ZNF652: variants seen among roughly 807,000 people sequenced by gnomAD.
ZNF652 encodes the protein zinc finger protein 652.
In ZNF652, 16 loss-of-function variants were observed where a neutral mutation model predicts 45.2. The ratio of observed to expected loss-of-function variants is 0.35; its 90% confidence interval spans 0.24 to 0.54. The LOEUF is 0.54. Ranked by LOEUF, ZNF652 falls within the 20% of genes least tolerant of loss-of-function variation. The probability of loss-of-function intolerance (pLI) is 0.91; values close to 1 mark genes in which losing one functional copy is unlikely to be tolerated. For missense variants in ZNF652, 614 were observed against 765.6 expected (o/e 0.80, Z 2.34); for synonymous variants, 250 against 260.6 (o/e 0.96, Z 0.39).
chr17:49,301,303 T>C (rs1335476771), intron 5 of ZNF652, among the ~76,000 whole-genome samples: 2 of 151,374 alleles, frequency 1.3e-5, no homozygotes, highest in Non-Finnish European at 2.9e-5. Flanking sequence ...GTCTTTACGC[T>C]TTTTTTTTGA....
intron 1 of ZNF652, among the ~76,000 whole-genome samples, chr17:49,330,424 C>A (rs941015735): frequency 1.3e-5 from 2 of 151,134 alleles, no homozygotes; most frequent in Non-Finnish European, 2.9e-5. Flanking sequence ...TCCTGAGTAG[C>A]TAGGACTACA....
chr17:49,358,253 C>T (rs548397547), intron 1 of ZNF652, among the ~76,000 whole-genome samples: 1 of 152,270 alleles, frequency 6.6e-6, no homozygotes, highest in East Asian at 1.9e-4. Context: ...CATCTATCTC[C>T]ATGAGCCTTC....
At chr17:49,311,677 C>A (rs1384966962) in intron 4 of ZNF652, among the ~76,000 whole-genome samples, 1 of 152,176 alleles carries the variant, frequency 6.6e-6, no homozygotes, top group Non-Finnish European at 1.5e-5. Flanking sequence ...CTCAGAATCA[C>A]TGAGAAAAGA....
chr17:49,325,843 G>C (rs2069950662), intron 1 of ZNF652, among the ~76,000 whole-genome samples: 1 of 151,810 alleles, frequency 6.6e-6, no homozygotes. Flanking sequence ...TACTTTTGGG[G>C]GTTTTTCCAC....
At chr17:49,337,252 C>T (rs1166507721) in intron 1 of ZNF652, among the ~76,000 whole-genome samples, 5 of 150,470 alleles carry the variant, frequency 3.3e-5, no homozygotes, top group African/African-American at 1.2e-4. Context: ...GGGAGGATCA[C>T]TCGAGCCCGA....
At chr17:49,304,723 G>A (rs1410923510) in intron 5 of ZNF652, among the ~76,000 whole-genome samples, 1 of 152,124 alleles carries the variant, frequency 6.6e-6, no homozygotes, top group Non-Finnish European at 1.5e-5. Flanking sequence ...AGAAAGAACA[G>A]TATAAATGAA....
At chr17:49,312,620 C>G (rs1355022762) in intron 3 of ZNF652, 78 bp downstream of exon 3, 1 of 1,480,442 alleles carries the variant, frequency 6.8e-7, no homozygotes, top group African/African-American at 1.4e-5. Context: ...TTCCTCATAT[C>G]CTGCCCAATC....
intron 1 of ZNF652, chr17:49,322,480 A>T (rs776154632): frequency 6.6e-6 from 1 of 152,240 alleles, no homozygotes; most frequent in Admixed American, 6.5e-5. Flanking sequence ...GTCACACCTC[A>T]GAGATATTGC....
At chr17:49,346,069 C>T (rs952132843) in intron 1 of ZNF652, among the ~76,000 whole-genome samples, 1 of 152,174 alleles carries the variant, frequency 6.6e-6, no homozygotes, top group African/African-American at 2.4e-5. Flanking sequence ...AAGTGTAGTA[C>T]AACAGATAGG....
intron 1 of ZNF652, among the ~76,000 whole-genome samples, chr17:49,338,343 A>T (rs2070108105): frequency 6.6e-6 from 1 of 152,010 alleles, no homozygotes. Flanking sequence ...GCTAGATGTC[A>T]CCTTGTCTGG....
intron 2 of ZNF652, among the ~76,000 whole-genome samples, chr17:49,316,162 G>A (rs537691131): frequency 7.9e-5 from 12 of 152,058 alleles, no homozygotes; most frequent in African/African-American, 1.2e-4. Flanking sequence ...GTCCTTTCAC[G>A]ACAACAGCCT....
chr17:49,312,825 C>G lies in ZNF652; in HGVS notation c.921G>C (p.Ser307=). The part of the protein sequence containing the change: ...KNIQCVSCNK[S]FKKLWSLHEH... ...CATGAAGGGACCAGAGTTTCTTGAA[C>G]GATTTGTTACAGGAAACACACTGAG... The change falls in exon 3 of 6, where the codon TCG becomes TCC. Residue 307 remains serine (S), a synonymous_variant. Transcript: ENST00000430262. 6.2e-7 allele frequency: 1 copy of G among 1,613,628 alleles called. No homozygotes were observed. The highest frequency in any genetic ancestry group is 8.5e-7 in the Non-Finnish European group (1 of 1,179,760).
intron 1 of ZNF652, among the ~76,000 whole-genome samples, chr17:49,347,740 GTTTTTTTTTT>G (rs1181401090): frequency 1.2e-5 from 1 of 81,216 alleles, no homozygotes; most frequent in African/African-American, 4.7e-5. Flanking sequence ...CCTTGGTTTT[GTTTTTTTTTT>G]TTTTTTTTTT....
At chr17:49,348,583 G>C (rs535357327) in intron 1 of ZNF652, among the ~76,000 whole-genome samples, 1 of 151,632 alleles carries the variant, frequency 6.6e-6, no homozygotes, top group East Asian at 1.9e-4. Context: ...AAGGGGGAGG[G>C]GAGAGAAAGA....
At chr17:49,355,717 G>A (rs989788704) in intron 1 of ZNF652, among the ~76,000 whole-genome samples, 1 of 151,902 alleles carries the variant, frequency 6.6e-6, no homozygotes, top group Non-Finnish European at 1.5e-5. Flanking sequence ...GGCCAATATG[G>A]TGAAACCCCG....
In ZNF652 at chr17:49,338,810, C is replaced by T. The variant is rs142004340; in HGVS notation, c.-258-20827G>A. Among the ~76,000 whole-genome samples the T allele has an allele frequency of 4.8e-4, 73 of 151,980 alleles. 1 individual carries two copies. The highest frequency in any genetic ancestry group is 1.6e-3 in the African/African-American group (67 of 41,448). On this transcript the variant is annotated intron_variant, in intron 1 of 5. Transcript: ENST00000430262. ...GGCTGAGCACCAAGCCTTAGGGCAC[C>T]CCAAGGGCAGAGAAGAAAAGGATAA...
intron 1 of ZNF652, among the ~76,000 whole-genome samples, chr17:49,326,047 T>C (rs2069952467): frequency 6.6e-6 from 1 of 152,008 alleles, no homozygotes; most frequent in Non-Finnish European, 1.5e-5. Flanking sequence ...TATGGCAGTA[T>C]AGCAGAAACA....
chr17:49,307,249 C>G (rs7214496), intron 5 of ZNF652, among the ~76,000 whole-genome samples: 45,199 of 150,060 alleles, frequency 0.3, 7,037 homozygotes, highest in South Asian at 0.42. Context: ...CTGGCCAACA[C>G]GGTGAAACCC....
At chr17:49,310,233 G>T (rs191669843) in intron 5 of ZNF652, among the ~76,000 whole-genome samples, 2 of 152,190 alleles carry the variant, frequency 1.3e-5, no homozygotes, top group African/African-American at 2.4e-5. Context: ...GATTACAGGC[G>T]TGAGCCACCG....
Sources: gnomAD v4.1 joint callset for allele counts (sites outside exome capture counted in the v4.1 genomes callset) on GRCh38, gnomAD v4.1.1 for gene constraint, MANE v1.5 for transcripts, NCBI Gene and HGNC (gene_info 2026-07-23, HGNC 2026-07-21) for gene names.